PPFIBP1: variants seen among roughly 807,000 people sequenced by gnomAD.
The protein encoded by PPFIBP1 is liprin-beta-1.
PPFIBP1 carries 112 observed loss-of-function variants against 137.8 expected under a neutral mutation model. The observed-to-expected ratio is 0.81, with a 90% CI of 0.70 to 0.95. PPFIBP1 has a LOEUF of 0.95. Among genes scored for constraint, PPFIBP1 ranks in the 40% least tolerant of loss-of-function variants. PPFIBP1 has a pLI of 0.00. For synonymous variants in PPFIBP1, 378 were observed against 417.3 expected (o/e 0.91, Z 1.15); for missense variants, 1,083 against 1,196.6 (o/e 0.91, Z 1.40).
intron 3 of PPFIBP1, among the ~76,000 whole-genome samples, chr12:27,633,835 C>CTTTTTT (rs56705005): frequency 2.9e-4 from 33 of 112,994 alleles, no homozygotes; most frequent in African/African-American, 6.2e-4. Context: ...ACTCCCGTAT[C>CTTTTTT]TTTTTTTTTT....
At position 27,672,057 on chromosome 12, in the gene PPFIBP1, C is replaced by T. The variant is rs143609801; in HGVS notation, c.1263-370C>T. ...CTCTACTCCAGCCTGGGTGACAGAG[C>T]GAGACTCTGTCTCAAAAAGAAAAAA... On this transcript the variant is annotated intron_variant, in intron 14 of 29. Transcript: ENST00000228425. Among the ~76,000 whole-genome samples the T allele has an allele frequency of 9.9e-3, 1,494 of 151,424 alleles. 24 individuals carry two copies. The highest frequency in any genetic ancestry group is 0.034 in the African/African-American group (1,387 of 41,196).
chr12:27,638,083 C>T (rs10842959), intron 4 of PPFIBP1, among the ~76,000 whole-genome samples: 89,120 of 151,708 alleles, frequency 0.59, 26,691 homozygotes, highest in Admixed American at 0.65. Flanking sequence ...ATAATACTTA[C>T]TGCACATAGA....
intron 1 of PPFIBP1, among the ~76,000 whole-genome samples, chr12:27,524,791 C>A (rs577756066): frequency 4.5e-4 from 69 of 151,974 alleles, no homozygotes; most frequent in Non-Finnish European, 8.4e-4. Context: ...ATTTTTTTGT[C>A]TCCTTGTGGC....
At chr12:27,644,244 G>GTTTTTTTTTTTTTTTTTTTTTTTTTTT (rs3842650) in intron 4 of PPFIBP1, among the ~76,000 whole-genome samples, 16 of 117,764 alleles carry the variant, frequency 1.4e-4, no homozygotes, top group Admixed American at 4.9e-4. Flanking sequence ...GCTTGGCTAA[G>GTTTTTTTTTTTTTTTTTTTTTTTTTTT]TTTTTTTTTT....
At chr12:27,669,777 T>G (rs763762152) in intron 13 of PPFIBP1, among the ~76,000 whole-genome samples, 2 of 152,220 alleles carry the variant, frequency 1.3e-5, no homozygotes, top group Non-Finnish European at 2.9e-5. Flanking sequence ...AACCTTTTAT[T>G]GTGTTAAAGG....
intron 11 of PPFIBP1, among the ~76,000 whole-genome samples, chr12:27,661,604 C>T (rs557806034): frequency 2.0e-5 from 3 of 151,748 alleles, no homozygotes; most frequent in East Asian, 3.9e-4. Context: ...AGCAGGCAGC[C>T]GCAGCTGTGT....
At chr12:27,546,881 T>G (rs67024237) in intron 1 of PPFIBP1, among the ~76,000 whole-genome samples, 23,266 of 151,984 alleles carry the variant, frequency 0.15, 2,049 homozygotes, top group Middle Eastern at 0.27. Flanking sequence ...CAGGCATGGT[T>G]GTCCCAGCTA....
chr12:27,683,978 G>A (rs1030989828), intron 24 of PPFIBP1, among the ~76,000 whole-genome samples: 1 of 151,824 alleles, frequency 6.6e-6, no homozygotes, highest in East Asian at 1.9e-4. Flanking sequence ...TAATAGAGAC[G>A]GGGTTTCACC....
At chr12:27,537,495 A>G (rs1326173092) in intron 1 of PPFIBP1, among the ~76,000 whole-genome samples, 1 of 151,992 alleles carries the variant, frequency 6.6e-6, no homozygotes, top group Admixed American at 6.6e-5. Flanking sequence ...GTTCCAGGCC[A>G]CCCTGCCTAC....
At position 27,677,222 on chromosome 12, in the gene PPFIBP1, C is replaced by T. The variant is rs1373426312; in HGVS notation, c.1615+126C>T. ...AATCAGAAAATGTAGTTCTCTATTC[C>T]GGAGTGTTCTTTCCACCTTCTGCTA... On this transcript the variant is annotated intron_variant, in intron 19 of 29. Coordinates refer to ENST00000228425, the MANE Select transcript of PPFIBP1 (RefSeq NM_003622.4). 24 of 1,204,030 alleles carry T rather than the reference C, an allele frequency of 2.0e-5. No homozygotes were observed. In the East Asian group the frequency reaches 5.0e-4, roughly 25 times the overall value. The allele number at this position is 1,204,030 out of a possible 1,614,324, so 74.6% of individuals were successfully genotyped here. A position where few individuals can be genotyped will look rare whatever the true frequency, so the allele number is the denominator to read the frequency against.
In PPFIBP1 at chr12:27,543,135, T is replaced by C. The variant is rs557275869; in HGVS notation, c.-124+18770T>C. Reference sequence around the variant, plus strand: ...CCTTGTTCAACCACATAAAAAAAACTCCCTGAAATTAAATCATTTTTGCCT... The same window carrying C: ...CCTTGTTCAACCACATAAAAAAAACCCCCTGAAATTAAATCATTTTTGCCT... On this transcript the variant is annotated intron_variant, in intron 1 of 29. Transcript: ENST00000228425. 1.4e-3 allele frequency among the ~76,000 whole-genome samples: 218 copies of C among 152,270 alleles called. 4 individuals carry two copies. In the South Asian group the frequency reaches 0.018, roughly 13 times the overall value.
Position 27,538,098 on chromosome 12 carries a change from T to G in PPFIBP1, c.-124+13733T>G, listed in dbSNP as rs1274376781. 2.0e-5 allele frequency: 3 copies of G among 152,486 alleles called. No homozygotes were observed. The East Asian group carries it at 5.8e-4, about 29-fold the overall frequency. The allele number at this position is 152,486 out of a possible 1,614,324, so 9.4% of individuals were successfully genotyped here. On this transcript the variant is annotated intron_variant, in intron 1 of 29. Coordinates refer to ENST00000228425, the MANE Select transcript of PPFIBP1 (RefSeq NM_003622.4). ...CTTGACCTTTCTCCAAGCTTGCCTT[T>G]CCCTGCTCTTCTGTGCAGAGGACTC... is the stretch of plus-strand genomic sequence containing the variant.
chr12:27,649,797 C>T (rs1259630908), intron 6 of PPFIBP1, among the ~76,000 whole-genome samples: 1 of 152,192 alleles, frequency 6.6e-6, no homozygotes, highest in Non-Finnish European at 1.5e-5. Flanking sequence ...AGCGATCTGC[C>T]TGCCTCGGCC....
chr12:27,555,811 A>G (rs1342427840), intron 1 of PPFIBP1, among the ~76,000 whole-genome samples: 2 of 152,202 alleles, frequency 1.3e-5, no homozygotes, highest in Non-Finnish European at 2.9e-5. Flanking sequence ...TTTGACAAAT[A>G]TGTTTATTAT....
intron 2 of PPFIBP1, among the ~76,000 whole-genome samples, chr12:27,589,079 A>T (rs1248218516): frequency 2.0e-5 from 3 of 152,200 alleles, no homozygotes; most frequent in Non-Finnish European, 4.4e-5. Flanking sequence ...ACTCCAGGTA[A>T]TGCAATATAA....
chr12:27,662,433 G>C (rs137860702), intron 11 of PPFIBP1, among the ~76,000 whole-genome samples: 2 of 152,328 alleles, frequency 1.3e-5, no homozygotes, highest in Non-Finnish European at 2.9e-5. Context: ...AACTCTGGTA[G>C]CAGAATGGGA....
At chr12:27,657,385 T>A (rs868791611) in intron 9 of PPFIBP1, among the ~76,000 whole-genome samples, 11 of 151,914 alleles carry the variant, frequency 7.2e-5, no homozygotes, top group Middle Eastern at 3.4e-3. Context: ...TTTGGAAATA[T>A]AATGTGCATA....
intron 1 of PPFIBP1, among the ~76,000 whole-genome samples, chr12:27,572,087 C>T (rs1469389301): frequency 6.6e-6 from 1 of 152,156 alleles, no homozygotes; most frequent in African/African-American, 2.4e-5. Flanking sequence ...TTGCCCCCAA[C>T]TGAATTGAAA....
At chr12:27,677,391 T>C in intron 19 of PPFIBP1, 1 of 469,206 alleles carries the variant, frequency 2.1e-6, no homozygotes, top group Admixed American at 3.3e-5. Flanking sequence ...CCTGGCATTG[T>C]ACATTGCAGC....
Sources: allele counts gnomAD v4.1 joint callset (sites outside exome capture counted in the v4.1 genomes callset), GRCh38; gene constraint gnomAD v4.1.1; transcripts MANE v1.5; gene names NCBI Gene and HGNC (gene_info 2026-07-23, HGNC 2026-07-21).